The following DIP2C variants were observed in gnomAD, a reference collection of about 807,000 sequenced individuals.
The protein encoded by DIP2C is DIP2 acetate--CoA ligase C (putative).
In DIP2C, 33 loss-of-function variants were observed where a neutral mutation model predicts 192.4. That is an observed-to-expected ratio of 0.17 (90% CI 0.13 to 0.23). The LOEUF (loss-of-function observed/expected upper bound fraction) is 0.23. Ranked by LOEUF, DIP2C falls within the 10% of genes least tolerant of loss-of-function variation. The probability of loss-of-function intolerance (pLI) is 1.00; values close to 1 mark genes in which losing one functional copy is unlikely to be tolerated. For missense variants in DIP2C, 1,537 were observed against 2,110.1 expected (o/e 0.73, Z 5.32); for synonymous variants, 979 against 864.1 (o/e 1.13, Z -2.33).
intron 9 of DIP2C, among the ~76,000 whole-genome samples, chr10:405,408 T>C (rs1964730885): frequency 6.6e-6 from 1 of 152,226 alleles, no homozygotes; most frequent in Non-Finnish European, 1.5e-5. Flanking sequence ...AAGCAGAATA[T>C]AAAATTGTAC....
At chr10:332,812 CT>C (rs1407781489) in intron 29 of DIP2C, among the ~76,000 whole-genome samples, 4 of 152,222 alleles carry the variant, frequency 2.6e-5, no homozygotes, top group Non-Finnish European at 4.4e-5. Context: ...TTCATCTCAC[CT>C]GGGGGTCCTG....
At chr10:601,261 G>A (rs958578113) in intron 1 of DIP2C, among the ~76,000 whole-genome samples, 1 of 152,160 alleles carries the variant, frequency 6.6e-6, no homozygotes, top group Non-Finnish European at 1.5e-5. Flanking sequence ...TAAATCTCTA[G>A]ATAATCAGGC....
chr10:561,937 G>A lies in DIP2C; in HGVS notation c.86-75407C>T, dbSNP rs150266387. On this transcript the variant is annotated intron_variant, in intron 1 of 36. Transcript: ENST00000280886. ...CCCCACCTTCGGTGTCAGCAGTGCG[G>A]CTCCGCTGAGACCCTCCTGCACCAG... 6.6e-3 allele frequency among the ~76,000 whole-genome samples: 1,008 copies of A among 152,344 alleles called. 10 individuals carry two copies. The highest frequency in any genetic ancestry group is 0.026 in the South Asian group (126 of 4,828).
intron 1 of DIP2C, among the ~76,000 whole-genome samples, chr10:607,786 CAAG>C (rs557017954): frequency 1.8e-3 from 271 of 152,172 alleles, no homozygotes; most frequent in African/African-American, 5.6e-3. Flanking sequence ...TCTTCTTAGA[CAAG>C]AATCACAATT....
Position 649,630 on chromosome 10 carries a change from T to C in DIP2C, c.85+39864A>G, listed in dbSNP as rs564387886. ...CAGGGTTTTGTCACGTTACAGCAAA[T>C]GCCATTCATTGGGGGAAGTCGGAAG... On this transcript the variant is annotated intron_variant, in intron 1 of 36. Coordinates refer to ENST00000280886, the MANE Select transcript of DIP2C (RefSeq NM_014974.3). Among the ~76,000 whole-genome samples, 469 of 152,356 alleles carry C rather than the reference T, an allele frequency of 3.1e-3. 4 individuals are homozygous for C. Among genetic ancestry groups the C allele is most frequent in the Non-Finnish European group, 4.5e-3 (303 of 68,038 alleles).
intron 3 of DIP2C, among the ~76,000 whole-genome samples, chr10:442,182 C>CA (rs1413127805): frequency 1.3e-5 from 2 of 152,144 alleles, no homozygotes; most frequent in African/African-American, 2.4e-5. Context: ...AAAGGGTCCC[C>CA]AGGACGAGGC....
chr10:430,137 T>C (rs559502214), intron 4 of DIP2C: 33 of 152,358 alleles, frequency 2.2e-4, no homozygotes, highest in Admixed American at 2.2e-3. Flanking sequence ...CTCTATGACA[T>C]ATGATGTGAA....
At chr10:579,976 G>A (rs920406643) in intron 1 of DIP2C, among the ~76,000 whole-genome samples, 2 of 151,536 alleles carry the variant, frequency 1.3e-5, no homozygotes, top group Non-Finnish European at 2.9e-5. Flanking sequence ...CATAGCCAAT[G>A]TACATATACA....
intron 1 of DIP2C, among the ~76,000 whole-genome samples, chr10:612,054 G>C (rs1200035513): frequency 6.6e-6 from 1 of 152,128 alleles, no homozygotes; most frequent in East Asian, 1.9e-4. Flanking sequence ...CCAGCACTTT[G>C]GGAGGCCAAG....
intron 1 of DIP2C, among the ~76,000 whole-genome samples, chr10:592,672 GACAA>G (rs1851469628): frequency 6.6e-6 from 1 of 152,072 alleles, no homozygotes. Context: ...GCAAAATAAT[GACAA>G]CACTATTTTT....
At chr10:591,072 G>A (rs985850239) in intron 1 of DIP2C, among the ~76,000 whole-genome samples, 3 of 148,150 alleles carry the variant, frequency 2.0e-5, no homozygotes, top group Non-Finnish European at 4.4e-5. Context: ...AAAAATGAAA[G>A]AAGCCGCCAC....
At chr10:427,373 G>A (rs1043081589) in intron 4 of DIP2C, among the ~76,000 whole-genome samples, 1 of 152,168 alleles carries the variant, frequency 6.6e-6, no homozygotes, top group Non-Finnish European at 1.5e-5. Context: ...ATTAATCATA[G>A]CTGCAAAATC....
At chr10:417,154 C>A (rs190033315) in intron 6 of DIP2C, among the ~76,000 whole-genome samples, 2 of 152,018 alleles carry the variant, frequency 1.3e-5, no homozygotes. Flanking sequence ...TGAATCATAC[C>A]ATTCCACCAG....
chr10:569,133 G>A (rs1329999703), intron 1 of DIP2C, among the ~76,000 whole-genome samples: 1 of 152,202 alleles, frequency 6.6e-6, no homozygotes, highest in Non-Finnish European at 1.5e-5. Flanking sequence ...GGAACCAGAA[G>A]TGATTTTTAC....
At chr10:439,138 G>T (rs573411530) in intron 4 of DIP2C, among the ~76,000 whole-genome samples, 1 of 152,312 alleles carries the variant, frequency 6.6e-6, no homozygotes, top group South Asian at 2.1e-4. Context: ...GAGCTACCGT[G>T]CCTAGCCCCT....
chr10:439,046 A>G (rs1026257861), intron 4 of DIP2C, among the ~76,000 whole-genome samples: 1 of 152,170 alleles, frequency 6.6e-6, no homozygotes, highest in African/African-American at 2.4e-5. Context: ...ACATTTTGCC[A>G]TGTTTTCCGG....
chr10:571,151 C>A lies in DIP2C; in HGVS notation c.86-84621G>T, dbSNP rs1404754819. 5.3e-5 allele frequency among the ~76,000 whole-genome samples: 8 copies of A among 152,380 alleles called. 1 individual carries two copies. In the East Asian group the frequency reaches 1.2e-3, roughly 22 times the overall value. ...AATCCCTGACATTTCCAATGACAGG[C>A]CGCTCAGCTAAACCGGGAAAAATCC... On this transcript the variant is annotated intron_variant, in intron 1 of 36. Transcript: ENST00000280886.
At chr10:304,047 T>G (rs1233075496) in intron 32 of DIP2C, among the ~76,000 whole-genome samples, 4 of 152,138 alleles carry the variant, frequency 2.6e-5, no homozygotes, top group Non-Finnish European at 5.9e-5. Flanking sequence ...TGAGGCTGTC[T>G]TACAGTTAAC....
intron 10 of DIP2C, among the ~76,000 whole-genome samples, chr10:391,584 C>T (rs1026376572): frequency 6.6e-5 from 10 of 152,360 alleles, no homozygotes; most frequent in Non-Finnish European, 8.8e-5. Context: ...CCAAGGCACT[C>T]GCATCACTCT....
Sources: gnomAD v4.1 joint callset for allele counts (sites outside exome capture counted in the v4.1 genomes callset) on GRCh38, gnomAD v4.1.1 for gene constraint, MANE v1.5 for transcripts, NCBI Gene and HGNC (gene_info 2026-07-23, HGNC 2026-07-21) for gene names.